The following C12orf54 variants were observed in gnomAD, a reference collection of about 807,000 sequenced individuals.
The protein encoded by C12orf54 is uncharacterized protein C12orf54.
Under a neutral mutation model 26.4 loss-of-function variants are expected in C12orf54, and 24 were observed. The ratio of observed to expected loss-of-function variants is 0.91; its 90% confidence interval spans 0.66 to 1.28. C12orf54 has a LOEUF of 1.28. Among genes scored for constraint, C12orf54 ranks in the 50% most tolerant of loss-of-function variants. C12orf54 has a pLI of 0.00. For missense variants in C12orf54, 154 were observed against 150.9 expected, an observed-to-expected ratio of 1.02 and a Z score of -0.11; for synonymous variants, 54 against 47.0, an observed-to-expected ratio of 1.15 and a Z score of -0.61.
At chr12:48,473,413 A>C in the C12orf54 span, 7 of 723,600 alleles carry the variant, frequency 9.7e-6, no homozygotes, top group South Asian at 1.1e-4. Context: ...GACGATGCCT[A>C]AGTGGAATAA....
chr12:48,422,229 G>A, the C12orf54 span, among the ~76,000 whole-genome samples: 1 of 152,178 alleles, frequency 6.6e-6, no homozygotes, highest in African/African-American at 2.4e-5. Flanking sequence ...AGCATTGCAG[G>A]AAGTTGATGA....
chr12:48,490,902 A>C, intron 6 of C12orf54, 66 bp downstream of exon 6: 64 of 1,555,166 alleles, frequency 4.1e-5, no homozygotes, highest in Non-Finnish European at 4.8e-5. Flanking sequence ...TTCAAGTCTC[A>C]TTGTATCCAT....
the C12orf54 span, among the ~76,000 whole-genome samples, chr12:48,446,548 TG>T: frequency 6.6e-6 from 1 of 152,156 alleles, no homozygotes; most frequent in Non-Finnish European, 1.5e-5. Context: ...CTGAAAACCC[TG>T]GGGGCAGCTG....
At chr12:48,464,462 T>A in the C12orf54 span, among the ~76,000 whole-genome samples, 1 of 152,140 alleles carries the variant, frequency 6.6e-6, no homozygotes, top group East Asian at 1.9e-4. Flanking sequence ...TGGTCATGGA[T>A]AGGAAGAATC....
chr12:48,470,515 G>A, the C12orf54 span, among the ~76,000 whole-genome samples: 1 of 152,082 alleles, frequency 6.6e-6, no homozygotes, highest in African/African-American at 2.4e-5. Context: ...CATTTTTCAT[G>A]GGGTAGCTTT....
the C12orf54 span, among the ~76,000 whole-genome samples, chr12:48,413,663 C>A: frequency 1.3e-5 from 2 of 152,164 alleles, no homozygotes; most frequent in African/African-American, 2.4e-5. Context: ...TCTTTGTAGA[C>A]ACATGTTGTT....
At chr12:48,434,746 C>T in the C12orf54 span, among the ~76,000 whole-genome samples, 1 of 152,050 alleles carries the variant, frequency 6.6e-6, no homozygotes, top group African/African-American at 2.4e-5. Context: ...GACATCCACA[C>T]CAAAAACCCA....
chr12:48,423,189 C>G, the C12orf54 span, among the ~76,000 whole-genome samples: 1 of 152,016 alleles, frequency 6.6e-6, no homozygotes, highest in Non-Finnish European at 1.5e-5. Flanking sequence ...AGACAACGTA[C>G]ACTTGTAGGG....
At chr12:48,473,605 A>C in the C12orf54 span, 1 of 272,470 alleles carries the variant, frequency 3.7e-6, no homozygotes, top group African/African-American at 2.2e-5. Context: ...ATAAAATACT[A>C]TTTTTACTGC....
chr12:48,445,487 G>A, the C12orf54 span, among the ~76,000 whole-genome samples: 1 of 152,184 alleles, frequency 6.6e-6, no homozygotes, highest in East Asian at 1.9e-4. Context: ...CATGTTTGGA[G>A]TTCTGGGAGA....
At chr12:48,465,742 A>G in the C12orf54 span, among the ~76,000 whole-genome samples, 2 of 152,166 alleles carry the variant, frequency 1.3e-5, no homozygotes, top group African/African-American at 4.8e-5. Flanking sequence ...TAAAAAAAGA[A>G]CTAGATCATG....
intron 6 of C12orf54, among the ~76,000 whole-genome samples, chr12:48,492,632 G>A (rs1419338912): frequency 6.6e-6 from 1 of 152,194 alleles, no homozygotes; most frequent in East Asian, 1.9e-4. Flanking sequence ...ACAAAATAAT[G>A]GAGATAAGAA....
intron 4 of C12orf54, chr12:48,488,069 C>G (rs556656493): frequency 1.0e-6 from 1 of 962,858 alleles, no homozygotes; most frequent in East Asian, 2.3e-5. Flanking sequence ...ATGTGCCCAT[C>G]CTTCACATCA....
At chr12:48,475,373 C>A in the C12orf54 span, among the ~76,000 whole-genome samples, 1 of 152,120 alleles carries the variant, frequency 6.6e-6, no homozygotes, top group Admixed American at 6.5e-5. Context: ...TCCTCACCAG[C>A]AACAGAACAA....
the C12orf54 span, among the ~76,000 whole-genome samples, chr12:48,436,728 C>A: frequency 6.6e-6 from 1 of 152,104 alleles, no homozygotes. Context: ...ACACAATATA[C>A]CAGAATCTCT....
chr12:48,489,121 C>A (rs561672754), intron 5 of C12orf54, 165 bp downstream of exon 5: 3 of 794,936 alleles, frequency 3.8e-6, no homozygotes, highest in South Asian at 1.3e-5. Flanking sequence ...TCAGTCCAGG[C>A]GGCTAAGGCA....
intron 6 of C12orf54, among the ~76,000 whole-genome samples, chr12:48,491,056 C>T (rs2137094797): frequency 6.6e-6 from 1 of 152,340 alleles, no homozygotes; most frequent in Middle Eastern, 3.4e-3. Flanking sequence ...AATTGGCTTT[C>T]CTTAAAGCAT....
intron 2 of C12orf54, among the ~76,000 whole-genome samples, chr12:48,484,087 T>C (rs7488548): frequency 0.15 from 22,261 of 152,150 alleles, 2,854 homozygotes; most frequent in East Asian, 0.66. Context: ...CCCATCTATT[T>C]GGGAGGCTGA....
intron 1 of C12orf54, 98 bp from the exon 2 acceptor site, chr12:48,483,142 C>G (rs958588245): frequency 6.8e-6 from 4 of 584,778 alleles, no homozygotes; most frequent in African/African-American, 2.0e-5. Flanking sequence ...ATTCAAAATA[C>G]AAATGCTCCA....
Sources: gnomAD v4.1 joint callset for allele counts (sites outside exome capture counted in the v4.1 genomes callset) on GRCh38, gnomAD v4.1.1 for gene constraint, MANE v1.5 for transcripts, NCBI Gene and HGNC (gene_info 2026-07-23, HGNC 2026-07-21) for gene names.